The following VWA3B variants were observed in gnomAD, a reference collection of about 807,000 sequenced individuals.
The protein encoded by VWA3B is von Willebrand factor A domain-containing protein 3B.
VWA3B carries 138 observed loss-of-function variants against 158.3 expected under a neutral mutation model. The ratio of observed to expected loss-of-function variants is 0.87; its 90% CI spans 0.76 to 1.00. The LOEUF is 1.00. Ranked by LOEUF, VWA3B falls within the 50% of genes least tolerant of loss-of-function variation. The pLI, the probability that VWA3B is intolerant of heterozygous loss-of-function variation, is 0.00. For missense variants in VWA3B, 1,555 were observed against 1,565.1 expected, an observed-to-expected ratio of 0.99 and a Z score of 0.11; for synonymous variants, 596 against 587.3, an observed-to-expected ratio of 1.01 and a Z score of -0.21.
chr2:98,280,617 T>C (rs958456568), intron 22 of VWA3B, among the ~76,000 whole-genome samples: 1 of 152,218 alleles, frequency 6.6e-6, no homozygotes, highest in Admixed American at 6.5e-5. Flanking sequence ...ACCAGGCCTG[T>C]GCCGGGCTCA....
intron 9 of VWA3B, among the ~76,000 whole-genome samples, chr2:98,184,622 C>T (rs1680863072): frequency 6.6e-6 from 1 of 152,214 alleles, no homozygotes; most frequent in Non-Finnish European, 1.5e-5. Flanking sequence ...TCCTAAAATC[C>T]CCCCACCCCG....
chr2:98,115,226 T>C (rs867552517), intron 2 of VWA3B, among the ~76,000 whole-genome samples: 2 of 151,868 alleles, frequency 1.3e-5, no homozygotes, highest in South Asian at 4.2e-4. Flanking sequence ...TTCTCACTCA[T>C]AGGTGGGAAT....
chr2:98,162,586 T>G (rs1210930893), intron 7 of VWA3B, among the ~76,000 whole-genome samples: 1 of 152,218 alleles, frequency 6.6e-6, no homozygotes, highest in Non-Finnish European at 1.5e-5. Flanking sequence ...TATCAATAAT[T>G]CATTTTAAAT....
intron 2 of VWA3B, among the ~76,000 whole-genome samples, chr2:98,097,036 A>G (rs957979984): frequency 3.3e-5 from 5 of 152,078 alleles, no homozygotes; most frequent in African/African-American, 4.8e-5. Context: ...CTGTACCCAT[A>G]GGTTTTGTTA....
At chr2:98,328,265 GA>G in the VWA3B span, among the ~76,000 whole-genome samples, 1 of 152,102 alleles carries the variant, frequency 6.6e-6, no homozygotes, top group African/African-American at 2.4e-5. Context: ...GTGAATCAAT[GA>G]ATGCTTTTCT....
At chr2:98,242,657 C>T (rs776959579) in intron 19 of VWA3B, among the ~76,000 whole-genome samples, 1 of 149,630 alleles carries the variant, frequency 6.7e-6, no homozygotes. Flanking sequence ...ATTGGTGCTC[C>T]AGCTCTGTCA....
chr2:98,107,697 G>A (rs980862002), intron 2 of VWA3B, among the ~76,000 whole-genome samples: 19 of 151,850 alleles, frequency 1.3e-4, no homozygotes, highest in African/African-American at 2.2e-4. Context: ...GATGTCTGCC[G>A]CATCTTTTGT....
chr2:98,227,834 G>A (rs1289129005), intron 14 of VWA3B, among the ~76,000 whole-genome samples: 1 of 152,196 alleles, frequency 6.6e-6, no homozygotes, highest in Non-Finnish European at 1.5e-5. Flanking sequence ...CTGTAAGAAT[G>A]ATTTTGCAGG....
At chr2:98,137,519 A>G (rs1315077088) in intron 7 of VWA3B, among the ~76,000 whole-genome samples, 7 of 152,234 alleles carry the variant, frequency 4.6e-5, no homozygotes, top group Non-Finnish European at 7.3e-5. Context: ...ACAGGCTCCA[A>G]CAAGACTCTG....
intron 22 of VWA3B, among the ~76,000 whole-genome samples, chr2:98,285,565 G>A (rs1036083428): frequency 4.0e-5 from 6 of 151,416 alleles, no homozygotes; most frequent in African/African-American, 1.5e-4. Flanking sequence ...ATAAATATAA[G>A]GATTTACTTC....
intron 2 of VWA3B, among the ~76,000 whole-genome samples, chr2:98,108,323 G>A (rs1673837392): frequency 6.6e-6 from 1 of 152,182 alleles, no homozygotes; most frequent in South Asian, 2.1e-4. Flanking sequence ...TGAAAAGAGT[G>A]TGTATTCTGC....
At chr2:98,104,966 A>C (rs571302234) in intron 2 of VWA3B, among the ~76,000 whole-genome samples, 92 of 152,286 alleles carry the variant, frequency 6.0e-4, no homozygotes, top group African/African-American at 2.2e-3. Context: ...TTATTTTTAC[A>C]TACATTATAA....
At chr2:98,294,028 G>A (rs1011403218) in intron 23 of VWA3B, among the ~76,000 whole-genome samples, 1 of 151,810 alleles carries the variant, frequency 6.6e-6, no homozygotes, top group African/African-American at 2.4e-5. Flanking sequence ...CTCAGTTTGG[G>A]TTAGATTACA....
At chr2:98,303,504 CAG>C (rs1027338434) in intron 25 of VWA3B, among the ~76,000 whole-genome samples, 196 bp from the exon 26 acceptor site, 2 of 151,454 alleles carry the variant, frequency 1.3e-5, no homozygotes, top group Non-Finnish European at 2.9e-5. Flanking sequence ...GGAGAAATGA[CAG>C]AGAGGACTCA....
chr2:98,175,709 C>T (rs1222258045), intron 8 of VWA3B, among the ~76,000 whole-genome samples: 2 of 152,174 alleles, frequency 1.3e-5, no homozygotes, highest in African/African-American at 4.8e-5. Flanking sequence ...ATTTACCCAT[C>T]CAAGAAGCAA....
chr2:98,108,301 T>G (rs1002441742), intron 2 of VWA3B, among the ~76,000 whole-genome samples: 1 of 152,210 alleles, frequency 6.6e-6, no homozygotes, highest in Non-Finnish European at 1.5e-5. Flanking sequence ...TTGTACATGT[T>G]CCATGAATAC....
chr2:98,304,283 T>C (rs1198138604), intron 26 of VWA3B, among the ~76,000 whole-genome samples: 2 of 151,780 alleles, frequency 1.3e-5, no homozygotes, highest in Non-Finnish European at 2.9e-5. Context: ...AGCTGTAAGG[T>C]AGACTAAAGC....
chr2:98,158,466 C>T (rs1437855489), intron 7 of VWA3B, among the ~76,000 whole-genome samples: 1 of 152,156 alleles, frequency 6.6e-6, no homozygotes, highest in Non-Finnish European at 1.5e-5. Flanking sequence ...GGAAGGCTGA[C>T]TTAAATTAGA....
Position 98,093,057 on chromosome 2 carries a change from A to T in VWA3B, c.-32-4A>T. 1.2e-6 allele frequency: 2 copies of T among 1,602,588 alleles called. No homozygotes were observed. Among genetic ancestry groups the T allele is most frequent in the Non-Finnish European group, 1.7e-6 (2 of 1,171,884 alleles). On this transcript the variant is annotated splice_region_variant and splice_polypyrimidine_tract_variant and intron_variant, in intron 1 of 27. Transcript: ENST00000477737. ...GAAGTCTGAGTTTATGATTGCCCTT[A>T]CAGGAGTTTGCTGTGACTTAGATCT...
Sources: gnomAD v4.1 joint callset for allele counts (sites outside exome capture counted in the v4.1 genomes callset) on GRCh38, gnomAD v4.1.1 for gene constraint, MANE v1.5 for transcripts, NCBI Gene and HGNC (gene_info 2026-07-23, HGNC 2026-07-21) for gene names.